Variants in EBF3 observed in about 807,000 individuals in gnomAD.
EBF3 encodes EBF transcription factor 3.
EBF3 carries 18 observed loss-of-function variants against 77.1 expected under a neutral mutation model. The observed-to-expected ratio is 0.23, with a 90% CI of 0.16 to 0.35. EBF3 has a LOEUF of 0.35. Among genes scored for constraint, EBF3 ranks in the 10% least tolerant of loss-of-function variants. EBF3 has a pLI of 1.00. For missense variants in EBF3, 558 were observed against 860.0 expected, an observed-to-expected ratio of 0.65 and a Z score of 4.39; for synonymous variants, 350 against 343.5, an observed-to-expected ratio of 1.02 and a Z score of -0.21.
intron 10 of EBF3, among the ~76,000 whole-genome samples, chr10:129,862,359 G>A (rs1449978445): frequency 3.3e-5 from 5 of 152,184 alleles, no homozygotes; most frequent in Non-Finnish European, 5.9e-5. Flanking sequence ...AGAGCTCCCT[G>A]TGTCCACTTC....
At chr10:129,896,753 T>A (rs1478852766) in intron 6 of EBF3, among the ~76,000 whole-genome samples, 2 of 152,172 alleles carry the variant, frequency 1.3e-5, no homozygotes, top group African/African-American at 2.4e-5. Context: ...AAAAATGCCA[T>A]CTCTTCCCAA....
chr10:129,869,992 C>CA (rs10717599), intron 8 of EBF3, among the ~76,000 whole-genome samples: 1,606 of 149,116 alleles, frequency 0.011, 10 homozygotes, highest in East Asian at 0.049. Context: ...AAATAATTCA[C>CA]AAAAAAAAAA....
intron 6 of EBF3, among the ~76,000 whole-genome samples, chr10:129,894,990 G>C (rs998555972): frequency 7.2e-5 from 11 of 152,200 alleles, no homozygotes; most frequent in African/African-American, 2.4e-4. Context: ...GCAAGGCAGT[G>C]CTCATGGCAG....
intron 10 of EBF3, among the ~76,000 whole-genome samples, chr10:129,853,643 A>G (rs1851046865): frequency 6.6e-6 from 1 of 152,238 alleles, no homozygotes; most frequent in African/African-American, 2.4e-5. Context: ...GGAGACCCAG[A>G]CCCTACCCCA....
intron 5 of EBF3, 75 bp from the exon 6 acceptor site, chr10:129,957,401 T>TTC (rs1554934957): frequency 1.6e-6 from 2 of 1,263,062 alleles, no homozygotes; most frequent in Admixed American, 2.1e-5. Flanking sequence ...TTTTTTTTTT[T>TTC]CTGACGTCTG....
chr10:129,932,417 C>T (rs563687245), intron 6 of EBF3, among the ~76,000 whole-genome samples: 41 of 152,260 alleles, frequency 2.7e-4, no homozygotes, highest in Admixed American at 2.2e-3. Context: ...GAGCGGCCGC[C>T]GATCTGAGAG....
intron 6 of EBF3, among the ~76,000 whole-genome samples, chr10:129,892,864 G>T (rs751415754): frequency 1.3e-5 from 2 of 152,194 alleles, no homozygotes; most frequent in Non-Finnish European, 2.9e-5. Context: ...CTTGAACGTC[G>T]CCATCAAATC....
At position 129,938,483 on chromosome 10, in the gene EBF3, G is replaced by A. The variant is rs1401475682; in HGVS notation, c.554+18775C>T. Among the ~76,000 whole-genome samples, 1 of 152,106 alleles carries A rather than the reference G, an allele frequency of 6.6e-6. No individual in the cohort carries two copies. Among genetic ancestry groups the A allele is most frequent in the African/African-American group, 2.4e-5 (1 of 41,402 alleles). On this transcript the variant is annotated intron_variant, in intron 6 of 16. Coordinates refer to ENST00000440978, the MANE Select transcript of EBF3 (RefSeq NM_001375380.1). This position sits in a 1 kb window ranked among gnomAD's most constrained non-coding sequence, Gnocchi z 5.1. Reference sequence around the variant, plus strand: ...TGGGAACATTGCTTGAGCCCAGGAGGTCCAGGCTGCAGGGAGCTGTGATTG... The same window carrying A: ...TGGGAACATTGCTTGAGCCCAGGAGATCCAGGCTGCAGGGAGCTGTGATTG...
chr10:129,838,116 G>A (rs538286684), intron 16 of EBF3, among the ~76,000 whole-genome samples, 156 bp from the exon 17 acceptor site: 1 of 152,344 alleles, frequency 6.6e-6, no homozygotes, highest in South Asian at 2.1e-4. Flanking sequence ...AGGGCGTGCT[G>A]GGGAATCTGC....
chr10:129,910,761 T>C (rs1341064616), intron 6 of EBF3, among the ~76,000 whole-genome samples: 1 of 152,098 alleles, frequency 6.6e-6, no homozygotes, highest in Non-Finnish European at 1.5e-5. Flanking sequence ...TAGCCCACAC[T>C]GAGACAGCAC....
chr10:129,867,915 G>A lies in EBF3; in HGVS notation c.782-3C>T. On this transcript the variant is annotated splice_region_variant and splice_polypyrimidine_tract_variant and intron_variant, in intron 8 of 16. Coordinates refer to ENST00000440978, the MANE Select transcript of EBF3 (RefSeq NM_001375380.1). ...GATGGCCTTGATGCACGGAGTGGCT[G>A]CTCACACAAGACAGAGAAGGCAGAC... 1.2e-6 allele frequency: 2 copies of A among 1,613,894 alleles called. No individual in the cohort carries two copies. The highest frequency in any genetic ancestry group is 1.7e-6 in the Non-Finnish European group (2 of 1,179,940).
intron 11 of EBF3, among the ~76,000 whole-genome samples, chr10:129,843,937 T>C (rs2133961673): frequency 6.6e-6 from 1 of 152,330 alleles, no homozygotes; most frequent in East Asian, 1.9e-4. Context: ...CAGTTTACGA[T>C]TGTGCGGATT....
intron 11 of EBF3, chr10:129,845,281 C>T (rs569907804): frequency 6.6e-6 from 1 of 152,298 alleles, no homozygotes; most frequent in Admixed American, 6.5e-5. Context: ...TACATTAGCA[C>T]CGAATGGTGT....
intron 6 of EBF3, among the ~76,000 whole-genome samples, chr10:129,906,472 G>GTAACCCCAAA (rs1855152237): frequency 2.0e-5 from 3 of 152,180 alleles, no homozygotes; most frequent in African/African-American, 7.2e-5. Context: ...CTCTGCACTG[G>GTAACCCCAAA]CAGGGGGCTC....
intron 6 of EBF3, among the ~76,000 whole-genome samples, chr10:129,912,171 C>A (rs888409989): frequency 6.6e-6 from 1 of 152,112 alleles, no homozygotes; most frequent in Non-Finnish European, 1.5e-5. Context: ...CTCTTTCCTG[C>A]GCATGGAATA....
chr10:129,877,504 C>T (rs912453909), intron 7 of EBF3, among the ~76,000 whole-genome samples: 3 of 134,286 alleles, frequency 2.2e-5, no homozygotes, highest in African/African-American at 8.2e-5. Flanking sequence ...AAAAAAAAAG[C>T]TTCCACATGG....
At chr10:129,930,950 A>C (rs1856986291) in intron 6 of EBF3, among the ~76,000 whole-genome samples, 1 of 135,414 alleles carries the variant, frequency 7.4e-6, no homozygotes, top group African/African-American at 2.9e-5. Flanking sequence ...ATCTATCTTT[A>C]TATTAACAAA....
Position 129,899,838 on chromosome 10 carries a change from G to C in EBF3, c.555-21989C>G, listed in dbSNP as rs1425677617. Among the ~76,000 whole-genome samples, 6 of 152,276 alleles carry C rather than the reference G, an allele frequency of 3.9e-5. No homozygotes were observed. In the South Asian group the frequency reaches 1.0e-3, roughly 26 times the overall value. The stretch of plus-strand genomic sequence containing the variant: ...CTCTCTCCTCTTGATTGATGTTTTA[G>C]TCTGAGCTGTCATTAGTTAAATTAA... On this transcript the variant is annotated intron_variant, in intron 6 of 16. Coordinates refer to ENST00000440978, the MANE Select transcript of EBF3 (RefSeq NM_001375380.1).
chr10:129,924,544 T>C (rs1856535811), intron 6 of EBF3, among the ~76,000 whole-genome samples: 2 of 151,850 alleles, frequency 1.3e-5, no homozygotes, highest in Admixed American at 6.5e-5. Flanking sequence ...GTGCGGGCCC[T>C]GTGGAAAATA....
Sources: gnomAD v4.1 joint callset for allele counts (sites outside exome capture counted in the v4.1 genomes callset) on GRCh38, gnomAD v4.1.1 for gene constraint, Gnocchi (gnomAD v3.1) non-coding constraint, MANE v1.5 for transcripts, NCBI Gene and HGNC (gene_info 2026-07-23, HGNC 2026-07-21) for gene names.